The following CALB2 variants were observed in gnomAD, a reference collection of about 807,000 sequenced individuals.
CALB2 encodes calbindin 2.
A neutral mutation model predicts 45.9 loss-of-function variants in CALB2; 34 were observed. The observed-to-expected ratio is 0.74, with a 90% CI of 0.56 to 0.99. CALB2 has a LOEUF of 0.99. Among genes scored for constraint, CALB2 ranks in the 50% least tolerant of loss-of-function variants. The pLI, the probability that CALB2 is intolerant of heterozygous loss-of-function variation, is 0.00. For missense variants in CALB2, 344 were observed against 339.3 expected (o/e 1.01, Z -0.11); for synonymous variants, 142 against 129.6 (o/e 1.10, Z -0.65).
chr16:71,366,849 AAT>A (rs1050480013), intron 1 of CALB2, among the ~76,000 whole-genome samples: 1 of 152,186 alleles, frequency 6.6e-6, no homozygotes, highest in Non-Finnish European at 1.5e-5. Flanking sequence ...AGAGGGCATA[AAT>A]AGTTATGCCC....
chr16:71,380,716 C>G (rs950255534), intron 4 of CALB2, among the ~76,000 whole-genome samples: 1 of 152,138 alleles, frequency 6.6e-6, no homozygotes, highest in Admixed American at 6.5e-5. Context: ...CAGTACTGTC[C>G]CACTGTCCCC....
Position 71,383,451 on chromosome 16 carries a change from G to T in CALB2, c.477+7G>T. 9.9e-6 allele frequency: 16 copies of T among 1,613,590 alleles called. No individual in the cohort carries two copies. The highest frequency in any genetic ancestry group is 1.2e-5 in the Non-Finnish European group (14 of 1,179,604). The stretch of plus-strand genomic sequence containing the variant: ...GGAATACACCCAAACCATAGTGAGT[G>T]AACAGAAGTGTCCCTCTCCCCCAGG... On this transcript the variant is annotated splice_region_variant and intron_variant, in intron 6 of 10. Transcript: ENST00000302628.
At position 71,384,880 on chromosome 16, in the gene CALB2, C is replaced by T. The variant is rs75536285; in HGVS notation, c.627+44C>T. 108 of 1,542,132 alleles carry T rather than the reference C, an allele frequency of 7.0e-5. No homozygotes were observed. In the East Asian group the frequency reaches 2.4e-3, roughly 34 times the overall value. The stretch of plus-strand genomic sequence containing the variant: ...ATGGCAGGGAAAATCAGAAGCCCAT[C>T]AGCCCGTCCAGAAGGGCTCAGCTTC... On this transcript the variant is annotated intron_variant, in intron 9 of 10. Coordinates refer to ENST00000302628, the MANE Select transcript of CALB2 (RefSeq NM_001740.5).
chr16:71,384,213 GATTCATT>G (rs2042536716), intron 7 of CALB2, 119 bp from the exon 8 acceptor site: 12 of 994,202 alleles, frequency 1.2e-5, no homozygotes, highest in Non-Finnish European at 1.9e-5. Flanking sequence ...ACTTCCCACT[GATTCATT>G]ATGTGTGAAG....
At chr16:71,373,360 G>C (rs1424781382) in intron 2 of CALB2, among the ~76,000 whole-genome samples, 1 of 152,210 alleles carries the variant, frequency 6.6e-6, no homozygotes, top group African/African-American at 2.4e-5. Context: ...TGGGCTTAAA[G>C]GGTTGGAGGC....
intron 1 of CALB2, among the ~76,000 whole-genome samples, chr16:71,364,464 G>C (rs2042262666): frequency 6.6e-6 from 1 of 152,208 alleles, no homozygotes; most frequent in Non-Finnish European, 1.5e-5. Flanking sequence ...GGCTCTTCAA[G>C]AACAGTGCCT....
chr16:71,382,840 G>A, intron 5 of CALB2, 65 bp downstream of exon 5: 1 of 1,441,640 alleles, frequency 6.9e-7, no homozygotes, highest in Non-Finnish European at 9.5e-7. Flanking sequence ...CCTGAGGAGG[G>A]AGGAGATGTT....
At chr16:71,368,906 C>T (rs2042316013) in intron 1 of CALB2, among the ~76,000 whole-genome samples, 2 of 152,100 alleles carry the variant, frequency 1.3e-5, no homozygotes. Flanking sequence ...GTTAAACCTC[C>T]TTCAAACCTT....
chr16:71,370,814 C>T (rs970356274), intron 1 of CALB2, among the ~76,000 whole-genome samples: 2 of 152,210 alleles, frequency 1.3e-5, no homozygotes, highest in African/African-American at 2.4e-5. Context: ...ATTTCCCACC[C>T]ACAAATGCCT....
Position 71,373,291 on chromosome 16 carries a change from CA to C in CALB2, c.171+1063del, listed in dbSNP as rs537975386. Among the ~76,000 whole-genome samples the C allele has an allele frequency of 6.2e-3, 950 of 152,178 alleles. 7 individuals are homozygous for C. The highest frequency in any genetic ancestry group is 9.1e-3 in the Non-Finnish European group (618 of 67,996). On this transcript the variant is annotated intron_variant, in intron 2 of 10. Transcript: ENST00000302628. ...GCATTTGGGAGATGAGTCACAAATCCACCGGTGAGCTCCTGGTTCAAAGCTT... is the reference window on the plus strand; with the variant it reads ...GCATTTGGGAGATGAGTCACAAATCCCCGGTGAGCTCCTGGTTCAAAGCTT...
intron 10 of CALB2, among the ~76,000 whole-genome samples, chr16:71,388,834 AG>A (rs2042602357): frequency 6.7e-6 from 1 of 149,570 alleles, no homozygotes; most frequent in Non-Finnish European, 1.5e-5. Flanking sequence ...AAAAAAAAAA[AG>A]TGCAAACATT....
intron 1 of CALB2, among the ~76,000 whole-genome samples, chr16:71,367,510 C>T (rs989122263): frequency 2.0e-5 from 3 of 152,152 alleles, no homozygotes; most frequent in Admixed American, 1.3e-4. Context: ...GCCAGAGCAG[C>T]GAAGGCCATT....
intron 1 of CALB2, among the ~76,000 whole-genome samples, chr16:71,367,206 C>G (rs2042296970): frequency 6.6e-6 from 1 of 152,192 alleles, no homozygotes; most frequent in Non-Finnish European, 1.5e-5. Context: ...TGCAGGGTCT[C>G]TGGCTCTCAC....
intron 7 of CALB2, 127 bp downstream of exon 7, chr16:71,384,152 A>G (rs1480309371): frequency 5.2e-6 from 6 of 1,145,856 alleles, no homozygotes; most frequent in Non-Finnish European, 7.9e-6. Context: ...ACAAAGCAAG[A>G]TAGAATTGTG....
At chr16:71,386,459 A>G (rs957594360) in intron 10 of CALB2, among the ~76,000 whole-genome samples, 3 of 152,242 alleles carry the variant, frequency 2.0e-5, no homozygotes, top group Admixed American at 6.5e-5. Flanking sequence ...AGGGGTTAAA[A>G]GGAGCCACTG....
intron 4 of CALB2, among the ~76,000 whole-genome samples, chr16:71,379,096 G>C (rs976252348): frequency 6.6e-5 from 10 of 152,034 alleles, no homozygotes; most frequent in African/African-American, 2.4e-4. Flanking sequence ...GGGCAACATG[G>C]AAAAACCCCA....
chr16:71,370,740 G>GA (rs904231295), intron 1 of CALB2, among the ~76,000 whole-genome samples: 5 of 152,130 alleles, frequency 3.3e-5, no homozygotes, highest in Non-Finnish European at 7.4e-5. Context: ...CAAAAAAAAG[G>GA]AAAAATCCCC....
In CALB2 at chr16:71,382,683, G is replaced by C; in HGVS notation, c.343-36G>C. The stretch of plus-strand genomic sequence containing the variant: ...AAGGGAGGTGGGTAGATTTTGATAC[G>C]TCTTTGCAAAGAGGTTGACATTCCT... On this transcript the variant is annotated intron_variant, in intron 4 of 10. Transcript: ENST00000302628. 2.5e-6 allele frequency: 4 copies of C among 1,604,752 alleles called. No individual in the cohort carries two copies. In the South Asian group the frequency reaches 3.4e-5, roughly 14 times the overall value.
chr16:71,375,585 C>A (rs1333033855), intron 3 of CALB2, among the ~76,000 whole-genome samples: 2 of 152,130 alleles, frequency 1.3e-5, no homozygotes, highest in African/African-American at 4.8e-5. Flanking sequence ...GTGGCACAGG[C>A]ATTAGGGCAC....
Sources: gnomAD v4.1 joint callset for allele counts (sites outside exome capture counted in the v4.1 genomes callset) on GRCh38, gnomAD v4.1.1 for gene constraint, MANE v1.5 for transcripts, NCBI Gene and HGNC (gene_info 2026-07-23, HGNC 2026-07-21) for gene names.